The following KCNQ1 variants were observed in gnomAD, a reference collection of about 807,000 sequenced individuals.
KCNQ1 encodes potassium voltage-gated channel subfamily KQT member 1.
KCNQ1 carries 49 observed loss-of-function variants against 72.4 expected under a neutral mutation model. The observed-to-expected ratio is 0.68, with a 90% CI of 0.54 to 0.86. The LOEUF is 0.86. KCNQ1 is among the 40% of genes least tolerant of loss of function. The pLI, the probability that KCNQ1 is intolerant of heterozygous loss-of-function variation, is 0.00. For synonymous variants in KCNQ1, 450 were observed against 412.6 expected (o/e 1.09, Z -1.10); for missense variants, 790 against 945.1 (o/e 0.84, Z 2.15).
rs1849654244 is a variant in KCNQ1 at position 2,645,622 on chromosome 11, T to A, written c.1394-16339T>A. The A allele has an allele frequency of 5.0e-6, 2 of 398,532 alleles. No homozygotes were observed. Among genetic ancestry groups the A allele is most frequent in the African/African-American group, 4.1e-5 (2 of 48,596 alleles). The allele number at this position is 398,532 out of a possible 1,614,324, so 24.7% of individuals were successfully genotyped here. On this transcript the variant is annotated intron_variant, in intron 10 of 15. Transcript: ENST00000155840. This position sits in a 1 kb window ranked among gnomAD's most constrained non-coding sequence, Gnocchi z 5.8. ...CCCCAGGTGGTGACTATGGGCAGGG[T>A]CACCTTTCCTCATGGCAGCCTTGCT...
intron 11 of KCNQ1, among the ~76,000 whole-genome samples, chr11:2,737,434 C>T (rs1483911510): frequency 1.3e-5 from 2 of 152,188 alleles, no homozygotes; most frequent in African/African-American, 2.4e-5. Context: ...TGGATGCCCG[C>T]GAGCTGCAAG....
intron 10 of KCNQ1, chr11:2,610,614 A>G: frequency 2.5e-6 from 1 of 398,032 alleles, no homozygotes; most frequent in South Asian, 1.3e-4. Flanking sequence ...TTCTTACAAA[A>G]CTGGTCTGCT....
At chr11:2,738,795 G>A (rs187152848) in intron 11 of KCNQ1, among the ~76,000 whole-genome samples, 2 of 152,322 alleles carry the variant, frequency 1.3e-5, no homozygotes, top group East Asian at 3.9e-4. Flanking sequence ...TTGTCCTTCT[G>A]CCACCTGGGC....
At chr11:2,619,725 T>G (rs1236745005) in intron 10 of KCNQ1, 1 of 397,730 alleles carries the variant, frequency 2.5e-6, no homozygotes, top group African/African-American at 2.1e-5. Flanking sequence ...TTTTTTTTTT[T>G]GGAAGTATTC....
chr11:2,638,199 G>T (rs530573091), intron 10 of KCNQ1: 6 of 152,304 alleles, frequency 3.9e-5, no homozygotes, highest in African/African-American at 7.2e-5. Context: ...ATATTGTTAT[G>T]TGTGAATTTG....
At chr11:2,572,744 A>C in intron 5 of KCNQ1, 102 bp from the exon 6 acceptor site, 1 of 1,488,440 alleles carries the variant, frequency 6.7e-7, no homozygotes, top group African/African-American at 1.4e-5. Context: ...GGAGCGGCGT[A>C]GGACGCCCAG....
In KCNQ1 at chr11:2,652,099, CTGGCCTGGCTGGGAGG is replaced by C. The variant is rs796457611; in HGVS notation, c.1394-9853_1394-9838del. ...TATGGGGAGCCTCTCGGCCCCAGTT[CTGGCCTGGCTGGGAGG>C]TGGCCTGGGAAGGGACCTGTGTTTC... On this transcript the variant is annotated intron_variant, in intron 10 of 15. Coordinates refer to ENST00000155840, the MANE Select transcript of KCNQ1 (RefSeq NM_000218.3). This position sits in a 1 kb window ranked among gnomAD's most constrained non-coding sequence, Gnocchi z 5.9. The C allele has an allele frequency of 3.3e-5, 13 of 398,708 alleles. No homozygotes were observed. The highest frequency in any genetic ancestry group is 2.3e-4 in the African/African-American group (11 of 48,766). The allele number at this position is 398,708 out of a possible 1,614,324, so 24.7% of individuals were successfully genotyped here. A position where few individuals can be genotyped will look rare whatever the true frequency, so the allele number is the denominator to read the frequency against.
intron 10 of KCNQ1, chr11:2,640,918 CATAAG>C (rs1405008160): frequency 1.0e-5 from 4 of 399,436 alleles, no homozygotes; most frequent in African/African-American, 6.2e-5. Context: ...ATGATAATAA[CATAAG>C]ATAATTATCT....
chr11:2,560,094 G>A (rs115973371), intron 2 of KCNQ1, among the ~76,000 whole-genome samples: 1,814 of 133,366 alleles, frequency 0.014, 51 homozygotes, highest in African/African-American at 0.049. Flanking sequence ...ATGGGGGGCC[G>A]TGACATCCGG....
chr11:2,654,702 A>G lies in KCNQ1; in HGVS notation c.1394-7259A>G. Reference sequence around the variant, plus strand: ...AGCTTTGAGCTTTGTCATAGGCTGGACTTGGGGCTTGAATGCTGACCTAAT... The same window carrying G: ...AGCTTTGAGCTTTGTCATAGGCTGGGCTTGGGGCTTGAATGCTGACCTAAT... On this transcript the variant is annotated intron_variant, in intron 10 of 15. Coordinates refer to ENST00000155840, the MANE Select transcript of KCNQ1 (RefSeq NM_000218.3). The surrounding 1 kb of genome is among the most constrained non-coding windows in gnomAD (Gnocchi z 6.4). The G allele has an allele frequency of 2.5e-6, 1 of 398,658 alleles. No homozygotes were observed. 24.7% of individuals were successfully genotyped at this position (398,658 alleles called of 1,614,324 possible).
chr11:2,726,976 G>A lies in KCNQ1; in HGVS notation c.1515-41868G>A, dbSNP rs114301320. On this transcript the variant is annotated intron_variant, in intron 11 of 15. Transcript: ENST00000155840. ...GCCCTGTCCCTGCCCCCAGGTGAAG[G>A]GTTGGCCCTGGGCATGGAGGTCGGC... is the stretch of plus-strand genomic sequence containing the variant. Among the ~76,000 whole-genome samples, 437 of 152,342 alleles carry A rather than the reference G, an allele frequency of 2.9e-3. 6 individuals are homozygous for A. Among genetic ancestry groups the A allele is most frequent in the African/African-American group, 9.9e-3 (413 of 41,574 alleles).
Position 2,822,854 on chromosome 11 carries a change from T to C in KCNQ1, c.1795-24913T>C, listed in dbSNP as rs182456430. 1.0e-3 allele frequency among the ~76,000 whole-genome samples: 154 copies of C among 150,296 alleles called. 1 individual carries two copies. Among genetic ancestry groups the C allele is most frequent in the African/African-American group, 3.7e-3 (149 of 40,718 alleles). Reference sequence around the variant, plus strand: ...TTCAGAACGGTGGCATAGGCCAGAGTAGGACATTGTGAAAAAGAAACAATT... The same window carrying C: ...TTCAGAACGGTGGCATAGGCCAGAGCAGGACATTGTGAAAAAGAAACAATT... On this transcript the variant is annotated intron_variant, in intron 15 of 15. Transcript: ENST00000155840.
chr11:2,628,869 A>C, intron 10 of KCNQ1: 8 of 398,328 alleles, frequency 2.0e-5, no homozygotes, highest in Non-Finnish European at 3.5e-5. Flanking sequence ...TATTCAAGAG[A>C]GTACCCTTTC....
intron 1 of KCNQ1, among the ~76,000 whole-genome samples, chr11:2,448,459 G>T (rs1846076167): frequency 6.6e-6 from 1 of 152,224 alleles, no homozygotes; most frequent in Admixed American, 6.5e-5. Context: ...CTCCCCAAAA[G>T]ACAAGGCCAT....
chr11:2,534,255 C>T (rs1047491762), intron 2 of KCNQ1, among the ~76,000 whole-genome samples: 10 of 152,358 alleles, frequency 6.6e-5, no homozygotes, highest in East Asian at 1.9e-4. Flanking sequence ...TTGCTCAGGG[C>T]GCCCGCAGGC....
chr11:2,758,127 A>C (rs969299011), intron 11 of KCNQ1, among the ~76,000 whole-genome samples: 3 of 152,190 alleles, frequency 2.0e-5, no homozygotes, highest in African/African-American at 7.2e-5. Context: ...TAAAAATGCA[A>C]ACTATAGACT....
chr11:2,455,223 A>G (rs1031963948), intron 1 of KCNQ1, among the ~76,000 whole-genome samples: 1 of 151,632 alleles, frequency 6.6e-6, no homozygotes, highest in Non-Finnish European at 1.5e-5. Flanking sequence ...TCAGCCTCCC[A>G]AGTAGCTGGG....
In KCNQ1 at chr11:2,772,610, T is replaced by C. The variant is rs758264722; in HGVS notation, c.1591-3350T>C. Among the ~76,000 whole-genome samples, 3 of 152,106 alleles carry C rather than the reference T, an allele frequency of 2.0e-5. No homozygotes were observed. Among genetic ancestry groups the C allele is most frequent in the Non-Finnish European group, 2.9e-5 (2 of 68,004 alleles). On this transcript the variant is annotated intron_variant, in intron 12 of 15. Coordinates refer to ENST00000155840, the MANE Select transcript of KCNQ1 (RefSeq NM_000218.3). This position sits in a 1 kb window ranked among gnomAD's most constrained non-coding sequence, Gnocchi z 6.6. ...ATGGTCTGCGGGCATTGCTGAGCCT[T>C]CTTGGGCTATGCCCTACACCAGGTA...
At chr11:2,574,677 C>G (rs746213227) in intron 6 of KCNQ1, among the ~76,000 whole-genome samples, 7 of 152,240 alleles carry the variant, frequency 4.6e-5, no homozygotes, top group Admixed American at 2.6e-4. Flanking sequence ...CTCCCTCCCC[C>G]TCAACCGCCG....
Sources: allele counts gnomAD v4.1 joint callset (sites outside exome capture counted in the v4.1 genomes callset), GRCh38; gene constraint gnomAD v4.1.1; non-coding constraint Gnocchi (gnomAD v3.1); transcripts MANE v1.5; gene names NCBI Gene and HGNC (gene_info 2026-07-23, HGNC 2026-07-21).